The following HEATR5A variants were observed in gnomAD, a reference collection of about 807,000 sequenced individuals.
The protein encoded by HEATR5A is HEAT repeat containing 5A, also known as HEAT repeat-containing protein 5A.
Under a neutral mutation model 218.8 loss-of-function variants are expected in HEATR5A, and 178 were observed. The ratio of observed to expected loss-of-function variants is 0.81; its 90% CI spans 0.72 to 0.92. The LOEUF is 0.92. Among genes scored for constraint, HEATR5A ranks in the 40% least tolerant of loss-of-function variants. The probability of loss-of-function intolerance (pLI) is 0.00; values close to 1 mark genes in which losing one functional copy is unlikely to be tolerated. For synonymous variants in HEATR5A, 864 were observed against 871.6 expected (o/e 0.99, Z 0.15); for missense variants, 2,420 against 2,418.9 (o/e 1.00, Z -0.01).
intron 13 of HEATR5A, among the ~76,000 whole-genome samples, chr14:31,366,189 G>A (rs1026294691): frequency 2.6e-5 from 4 of 152,094 alleles, no homozygotes; most frequent in Non-Finnish European, 5.9e-5. Flanking sequence ...CCAGATGATC[G>A]CTTGAGCCCA....
At chr14:31,379,835 A>G (rs748347080) in intron 11 of HEATR5A, among the ~76,000 whole-genome samples, 38 of 151,988 alleles carry the variant, frequency 2.5e-4, no homozygotes, top group African/African-American at 8.9e-4. Context: ...TTGCATGCCT[A>G]TGGTCCCAGC....
intron 21 of HEATR5A, chr14:31,340,594 T>A (rs572755968): frequency 7.2e-6 from 4 of 554,442 alleles, no homozygotes; most frequent in Non-Finnish European, 1.1e-5. Context: ...TTATTTAAAT[T>A]GGCTTAGCTT....
rs1566783001 is a variant in HEATR5A, at chr14:31,400,321, TG to T, written c.317del (p.Pro106GlnfsTer40). On this transcript the variant is annotated frameshift_variant, in exon 3 of 36. Coordinates refer to ENST00000543095, the MANE Select transcript of HEATR5A (RefSeq NM_015473.4). LOFTEE classifies it high-confidence loss of function. ...CTTACAGCTTAGTGGGAAGATAACT[TG>T]GAGAATCATCTTTGCTACGAATAAG... is the stretch of plus-strand genomic sequence containing the variant. ...NDLIRSKDDSPSYLPTKLAAV... is the reference protein window; with the variant it reads ...NDLIRSKDDSXSYLPTKLAAV... 6.5e-7 allele frequency: 1 copy of T among 1,533,520 alleles called. No individual in the cohort carries two copies. The allele number at this position is 1,533,520 out of a possible 1,614,324, so 95.0% of individuals were successfully genotyped here.
At chr14:31,320,765 C>T (rs1900073159) in intron 25 of HEATR5A, 1 of 339,678 alleles carries the variant, frequency 2.9e-6, no homozygotes, top group South Asian at 2.5e-5. Context: ...TTTTTTTCCC[C>T]CTCTCTGGAG....
chr14:31,352,669 T>C (rs1401450821), intron 16 of HEATR5A, among the ~76,000 whole-genome samples: 1 of 152,122 alleles, frequency 6.6e-6, no homozygotes, highest in African/African-American at 2.4e-5. Context: ...TTATAAAATG[T>C]AATAAAGGCC....
At chr14:31,409,568 T>A (rs2031204003) in intron 1 of HEATR5A, among the ~76,000 whole-genome samples, 1 of 152,034 alleles carries the variant, frequency 6.6e-6, no homozygotes, top group African/African-American at 2.4e-5. Flanking sequence ...GGTGTGGTGG[T>A]GCACACCTGT....
chr14:31,362,697 G>C (rs1901664489), intron 14 of HEATR5A, among the ~76,000 whole-genome samples: 1 of 145,642 alleles, frequency 6.9e-6, no homozygotes, highest in Non-Finnish European at 1.5e-5. Context: ...GGGATGACTT[G>C]AGCCTGGGAG....
In HEATR5A at chr14:31,387,152, C is replaced by A; in HGVS notation, c.1157G>T (p.Cys386Phe). 1.2e-6 allele frequency: 2 copies of A among 1,613,946 alleles called. No homozygotes were observed. The highest frequency in any genetic ancestry group is 2.2e-5 in the South Asian group (2 of 91,082). ...TTTCTTTAGCTTCCAGATGGCCTGGCAAATATCCTTTACAGCAGCAAGCTG... is the reference window on the plus strand; with the variant it reads ...TTTCTTTAGCTTCCAGATGGCCTGGAAAATATCCTTTACAGCAGCAAGCTG... ...KAQLAAVKDI[C>F]QAIWKLKKVM... The change falls in exon 8 of 36, where the codon TGC becomes TTC. Residue 386 changes from cysteine to phenylalanine, a missense_variant. Physicochemically the swap from Cys to Phe is radical, Grantham distance 205. Coordinates refer to ENST00000543095, the MANE Select transcript of HEATR5A (RefSeq NM_015473.4).
rs199501778 is a variant in HEATR5A at position 31,374,858 on chromosome 14, T to A, written c.1819A>T (p.Thr607Ser). The A allele has an allele frequency of 1.7e-4, 271 of 1,613,820 alleles. No homozygotes were observed. In the African/African-American group the frequency reaches 3.3e-3, roughly 19 times the overall value. The part of the protein sequence containing the change: ...ETEKSRGDSF[T>S]WQVTLEGRAG... Reference sequence around the variant, plus strand: ...CGTCCTTCCAGGGTCACCTGCCATGTAAACGAATCTCCTCGGCTCTTTTCT... The same window carrying A: ...CGTCCTTCCAGGGTCACCTGCCATGAAAACGAATCTCCTCGGCTCTTTTCT... The change falls in exon 12 of 36, where the codon ACA becomes TCA. Residue 607 changes from threonine (T) to serine (S), a missense_variant. By Grantham distance (58) the Thr-to-Ser change is moderately conservative. Transcript: ENST00000543095.
chr14:31,357,813 C>T lies in HEATR5A; in HGVS notation c.2411+824G>A, dbSNP rs560086967. Among the ~76,000 whole-genome samples the T allele has an allele frequency of 7.9e-5, 12 of 152,272 alleles. 1 individual carries two copies. Among genetic ancestry groups the T allele is most frequent in the South Asian group, 2.1e-4 (1 of 4,830 alleles). The stretch of plus-strand genomic sequence containing the variant: ...ATATACATTGTGAAATAGATTACCA[C>T]AATCAAGTTAATTAAATATCTATTA... On this transcript the variant is annotated intron_variant, in intron 16 of 35. Transcript: ENST00000543095.
chr14:31,295,848 A>C, intron 34 of HEATR5A, 61 bp downstream of exon 34: 1 of 1,411,898 alleles, frequency 7.1e-7, no homozygotes, highest in Non-Finnish European at 9.8e-7. Context: ...TCACACAGAA[A>C]ATTTTCTAAA....
At chr14:31,417,591 G>GA (rs1230259383) in intron 1 of HEATR5A, among the ~76,000 whole-genome samples, 3 of 146,022 alleles carry the variant, frequency 2.1e-5, no homozygotes, top group East Asian at 2.0e-4. Context: ...CTCAAAAAAA[G>GA]AAAAAAAAAT....
chr14:31,342,281 C>T (rs138898881), intron 21 of HEATR5A, among the ~76,000 whole-genome samples: 29 of 152,098 alleles, frequency 1.9e-4, no homozygotes, highest in Non-Finnish European at 3.8e-4. Flanking sequence ...CGAGCTACTT[C>T]GGAGGCTGAA....
At chr14:31,330,554 C>G (rs554064309) in intron 22 of HEATR5A, among the ~76,000 whole-genome samples, 1 of 151,952 alleles carries the variant, frequency 6.6e-6, no homozygotes, top group Non-Finnish European at 1.5e-5. Flanking sequence ...TTTGGGAGGC[C>G]GAGGTGGGTG....
At chr14:31,382,112 C>T (rs926982541) in intron 10 of HEATR5A, among the ~76,000 whole-genome samples, 13 of 152,042 alleles carry the variant, frequency 8.6e-5, no homozygotes, top group African/African-American at 3.1e-4. Context: ...ATAATTCTCT[C>T]GGAAAGAAAT....
chr14:31,308,107 A>G, intron 29 of HEATR5A, 87 bp from the exon 30 acceptor site: 2 of 1,234,224 alleles, frequency 1.6e-6, no homozygotes, highest in South Asian at 3.1e-5. Context: ...TTGGTAAGAT[A>G]TATAAACAAA....
chr14:31,384,359 G>A (rs578211390), intron 9 of HEATR5A, among the ~76,000 whole-genome samples: 9 of 151,458 alleles, frequency 5.9e-5, no homozygotes, highest in African/African-American at 1.2e-4. Flanking sequence ...TGGGAGGATC[G>A]CTTGAGCCAG....
In HEATR5A at chr14:31,376,940, C is replaced by T. The variant is rs544673041; in HGVS notation, c.1709-1972G>A. Among the ~76,000 whole-genome samples, 11 of 152,038 alleles carry T rather than the reference C, an allele frequency of 7.2e-5. No homozygotes were observed. In the East Asian group the frequency reaches 1.7e-3, roughly 24 times the overall value. ...TGGAGTTCAAGATCAGCTGGGGAAA[C>T]AGCAAGATCCCATCTCTACAAAAAA... On this transcript the variant is annotated intron_variant, in intron 11 of 35. Coordinates refer to ENST00000543095, the MANE Select transcript of HEATR5A (RefSeq NM_015473.4).
At chr14:31,306,960 G>T in intron 30 of HEATR5A, 81 bp from the exon 31 acceptor site, 3 of 1,162,344 alleles carry the variant, frequency 2.6e-6, no homozygotes, top group South Asian at 1.8e-5. Flanking sequence ...TAAATGCCAT[G>T]ACAAAATTCA....
Sources: allele counts gnomAD v4.1 joint callset (sites outside exome capture counted in the v4.1 genomes callset), GRCh38; gene constraint gnomAD v4.1.1; transcripts MANE v1.5; gene names NCBI Gene and HGNC (gene_info 2026-07-23, HGNC 2026-07-21).